RUFY2: variants seen among roughly 807,000 people sequenced by gnomAD.
RUFY2 encodes RUN and FYVE domain-containing protein 2.
A neutral mutation model predicts 94.4 loss-of-function variants in RUFY2; 49 were observed. The ratio of observed to expected loss-of-function variants is 0.52; its 90% CI spans 0.41 to 0.66. RUFY2 has a LOEUF of 0.66. Among genes scored for constraint, RUFY2 ranks in the 30% least tolerant of loss-of-function variants. The pLI is 0.00. For synonymous variants in RUFY2, 255 were observed against 235.7 expected, an observed-to-expected ratio of 1.08 and a Z score of -0.75; for missense variants, 541 against 692.8, an observed-to-expected ratio of 0.78 and a Z score of 2.46.
At chr10:68,395,889 G>A (rs1249607050) in intron 4 of RUFY2, among the ~76,000 whole-genome samples, 3 of 152,196 alleles carry the variant, frequency 2.0e-5, no homozygotes, top group Non-Finnish European at 4.4e-5. Flanking sequence ...CAACATCAGA[G>A]AGGCACTCTA....
intron 1 of RUFY2, chr10:68,406,920 G>A: frequency 6.4e-7 from 1 of 1,563,244 alleles, no homozygotes; most frequent in Non-Finnish European, 8.7e-7. Flanking sequence ...CCCTGTCCTC[G>A]CTCCTGGACG....
At chr10:68,377,110 A>T in intron 12 of RUFY2, 138 bp from the exon 13 acceptor site, 1 of 1,518,890 alleles carries the variant, frequency 6.6e-7, no homozygotes, top group Non-Finnish European at 8.8e-7. Context: ...AAACTCACAA[A>T]CTCAAACGTG....
chr10:68,381,176 T>G (rs1224393977), intron 11 of RUFY2, 56 bp downstream of exon 11: 1 of 1,446,814 alleles, frequency 6.9e-7, no homozygotes, highest in East Asian at 2.3e-5. Flanking sequence ...ACCAAAACCT[T>G]TCTACAAATA....
downstream of RUFY2, chr10:68,342,867 T>G (rs1184710971): frequency 6.6e-6 from 1 of 152,400 alleles, no homozygotes; most frequent in African/African-American, 2.4e-5. Context: ...CTCACAATTG[T>G]ATTTTCAGTT....
Position 68,401,734 on chromosome 10 carries a change from C to CTTT in RUFY2, c.181_182insAAA (p.Val60_Arg61insLys), listed in dbSNP as rs775466942. 1 of 1,598,060 alleles carries CTTT rather than the reference C, an allele frequency of 6.3e-7. No homozygotes were observed. Among genetic ancestry groups the CTTT allele is most frequent in the South Asian group, 1.1e-5 (1 of 90,658 alleles). ...TTTGTTGTAACTCAAAAATGATTTT[C>CTTT]TTACTGAAAAAAAGAACACATAATG... On this transcript the variant is annotated inframe_insertion, in exon 3 of 18. Transcript: ENST00000602465.
chr10:68,383,896 C>A lies in RUFY2; in HGVS notation c.841G>T (p.Glu281Ter), dbSNP rs1564828040. Residue 281 changes from glutamate (E) to a stop codon, truncating the protein, a stop_gained, in exon 10 of 18, where the codon GAA (glutamate) becomes TAA (stop). Coordinates refer to ENST00000602465, the MANE Select transcript of RUFY2 (RefSeq NM_001330103.2). LOFTEE classifies it high-confidence loss of function. ...TGCTTATATGTTTGAAGCTCAGTTT[C>A]CACATCTACTTTGGTAACCTAGGAA... ...QHLEVTKVDVETELQTYKHSR... is the reference protein window; with the variant it reads ...QHLEVTKVDV 1 of 1,613,612 alleles carries A rather than the reference C, an allele frequency of 6.2e-7. No homozygotes were observed. The highest frequency in any genetic ancestry group is 8.5e-7 in the Non-Finnish European group (1 of 1,179,814).
intron 14 of RUFY2, 60 bp from the exon 15 acceptor site, chr10:68,363,744 T>C (rs1480440967): frequency 8.3e-6 from 9 of 1,083,556 alleles, no homozygotes; most frequent in South Asian, 4.6e-5. Context: ...AAACTCCAGA[T>C]TGTACATATA....
At chr10:68,405,727 T>C in intron 1 of RUFY2, 1 of 983,284 alleles carries the variant, frequency 1.0e-6, no homozygotes, top group Non-Finnish European at 1.2e-6. Flanking sequence ...TCTGTCTGGC[T>C]TCTTCATTCT....
At chr10:68,371,659 TA>T (rs761113119) in intron 13 of RUFY2, among the ~76,000 whole-genome samples, 28 of 148,850 alleles carry the variant, frequency 1.9e-4, no homozygotes, top group African/African-American at 6.1e-4. Flanking sequence ...CAACTGACAC[TA>T]AAAAAAAATC....
intron 15 of RUFY2, among the ~76,000 whole-genome samples, chr10:68,363,299 C>T (rs1016878799): frequency 6.6e-6 from 1 of 152,112 alleles, no homozygotes. Context: ...GCCTCAGCCT[C>T]CCGAGTAGCT....
chr10:68,350,977 C>T (rs1401011611), intron 16 of RUFY2, among the ~76,000 whole-genome samples: 3 of 152,204 alleles, frequency 2.0e-5, no homozygotes, highest in Admixed American at 1.3e-4. Context: ...TCCTAAAGTG[C>T]TGGGACTGCA....
chr10:68,355,364 T>TAAAG lies in RUFY2; in HGVS notation c.1587_1588insCTTT (p.Lys530LeufsTer2), dbSNP rs766170928. 6.2e-7 allele frequency: 1 copy of TAAAG among 1,611,934 alleles called. No homozygotes were observed. Among genetic ancestry groups the TAAAG allele is most frequent in the South Asian group, 1.1e-5 (1 of 90,838 alleles). On this transcript the variant is annotated frameshift_variant, in exon 16 of 18. Transcript: ENST00000602465. LOFTEE classifies it high-confidence loss of function. ...AACGTTCTACTCACCTGCAATGCTTTGTTGGCTTCTTTTATGTCTTCAATT... is the reference window on the plus strand; with the variant it reads ...AACGTTCTACTCACCTGCAATGCTTTAAAGGTTGGCTTCTTTTATGTCTTCAATT...
chr10:68,392,104 T>C (rs979882016), intron 7 of RUFY2, among the ~76,000 whole-genome samples: 2 of 151,432 alleles, frequency 1.3e-5, no homozygotes, highest in Non-Finnish European at 2.9e-5. Context: ...CGATCTCGAC[T>C]CACTGCAACC....
chr10:68,356,983 G>C (rs1247750354), intron 15 of RUFY2, among the ~76,000 whole-genome samples: 1 of 151,650 alleles, frequency 6.6e-6, no homozygotes, highest in Admixed American at 6.6e-5. Context: ...GGCCAACATG[G>C]TGAAACCCCA....
At chr10:68,341,678 T>C, downstream of RUFY2, 2 of 1,610,738 alleles carry the variant, frequency 1.2e-6, no homozygotes, top group Non-Finnish European at 1.7e-6. Context: ...AGAGATGGAA[T>C]GGGTATGTAA....
chr10:68,367,444 G>A (rs908120097), intron 13 of RUFY2, among the ~76,000 whole-genome samples: 5 of 151,768 alleles, frequency 3.3e-5, no homozygotes, highest in African/African-American at 4.8e-5. Context: ...TGAATGTTTT[G>A]GGGTTTTTAT....
intron 13 of RUFY2, among the ~76,000 whole-genome samples, chr10:68,372,824 A>G (rs2048371280): frequency 1.3e-5 from 2 of 151,908 alleles, no homozygotes; most frequent in Admixed American, 1.3e-4. Context: ...TGGGAGGATT[A>G]CTAAGCCCAG....
At chr10:68,391,034 G>A (rs1324083998) in intron 7 of RUFY2, among the ~76,000 whole-genome samples, 12 of 150,240 alleles carry the variant, frequency 8.0e-5, no homozygotes, top group African/African-American at 1.7e-4. Context: ...TCCTGGGTTC[G>A]AGCAATTCTC....
At chr10:68,364,724 C>CT (rs57815435) in intron 13 of RUFY2, among the ~76,000 whole-genome samples, 70 of 146,552 alleles carry the variant, frequency 4.8e-4, no homozygotes, top group Non-Finnish European at 4.2e-4. Flanking sequence ...CATTGTTCTT[C>CT]TTTTTTTTTT....
Sources: gnomAD v4.1 joint callset for allele counts (sites outside exome capture counted in the v4.1 genomes callset) on GRCh38, gnomAD v4.1.1 for gene constraint, MANE v1.5 for transcripts, NCBI Gene and HGNC (gene_info 2026-07-23, HGNC 2026-07-21) for gene names.